Variants in RGS7 observed in about 807,000 individuals in gnomAD.
The protein encoded by RGS7 is regulator of G protein signaling 7, also known as regulator of G-protein signaling 7.
In RGS7, 27 loss-of-function variants were observed where a neutral mutation model predicts 81.1. The observed-to-expected ratio is 0.33, with a 90% CI of 0.25 to 0.46. RGS7 has a LOEUF of 0.46. RGS7 is among the 20% of genes least tolerant of loss of function. RGS7 has a pLI of 1.00. For missense variants in RGS7, 396 were observed against 607.4 expected, an observed-to-expected ratio of 0.65 and a Z score of 3.66; for synonymous variants, 208 against 207.7, an observed-to-expected ratio of 1.00 and a Z score of -0.01.
chr1:241,336,941 C>T (rs2082276878), intron 2 of RGS7, among the ~76,000 whole-genome samples: 3 of 152,298 alleles, frequency 2.0e-5, no homozygotes, highest in Non-Finnish European at 2.9e-5. Context: ...CTGCCTTAAA[C>T]ACATGGGCTT....
intron 4 of RGS7, among the ~76,000 whole-genome samples, chr1:240,977,751 C>A (rs147780940): frequency 1.3e-5 from 2 of 152,184 alleles, no homozygotes. Flanking sequence ...GAGAAGGCGG[C>A]ACAACACTTT....
In RGS7 at chr1:241,327,138, GAAA is replaced by G. The variant is rs1286080306; in HGVS notation, c.78+28558_78+28560del. 7.4e-4 allele frequency among the ~76,000 whole-genome samples: 77 copies of G among 104,702 alleles called. 5 individuals carry two copies. The East Asian group carries it at 8.9e-3, about 12-fold the overall frequency. 68.7% of individuals were successfully genotyped at this position (104,702 alleles called of 152,430 possible). On this transcript the variant is annotated intron_variant, in intron 2 of 18. Transcript: ENST00000440928. ...AGAAAGAAAGAAAGAAAGAAAGAAA[GAAA>G]GAAAGGAAAGAAAGAAAGAAAGAAA...
intron 3 of RGS7, among the ~76,000 whole-genome samples, chr1:241,025,913 C>A (rs2059758615): frequency 6.6e-6 from 1 of 152,126 alleles, no homozygotes; most frequent in Non-Finnish European, 1.5e-5. Context: ...ATGATATATT[C>A]CCTCAGGTGA....
intron 10 of RGS7, among the ~76,000 whole-genome samples, chr1:240,820,280 T>G (rs1309548527): frequency 1.3e-5 from 2 of 152,208 alleles, no homozygotes; most frequent in Non-Finnish European, 2.9e-5. Context: ...ATCATTTATT[T>G]GCAATGCTTT....
chr1:241,330,795 G>A (rs1239361672), intron 2 of RGS7, among the ~76,000 whole-genome samples: 3 of 152,184 alleles, frequency 2.0e-5, no homozygotes, highest in Non-Finnish European at 4.4e-5. Flanking sequence ...GGAGGGAGGT[G>A]TCAGGGGCAA....
chr1:241,356,559 G>A lies in RGS7; in HGVS notation c.-51+340C>T, dbSNP rs138112001. On this transcript the variant is annotated intron_variant, in intron 1 of 18. Transcript: ENST00000440928. Reference sequence around the variant, plus strand: ...TTCAGGCCATTTTACCCGGGTCACCGTGGGTAAAAGCCTAACTGCAGAAGC... The same window carrying A: ...TTCAGGCCATTTTACCCGGGTCACCATGGGTAAAAGCCTAACTGCAGAAGC... Among the ~76,000 whole-genome samples, 1,058 of 152,298 alleles carry A rather than the reference G, an allele frequency of 6.9e-3. 9 individuals carry two copies. The highest frequency in any genetic ancestry group is 0.024 in the African/African-American group (996 of 41,574).
chr1:241,217,553 A>G (rs1308023942), intron 2 of RGS7, among the ~76,000 whole-genome samples: 1 of 152,190 alleles, frequency 6.6e-6, no homozygotes, highest in African/African-American at 2.4e-5. Context: ...ACCCCATAAT[A>G]GGATCAGCAA....
chr1:240,869,241 A>G (rs999354550), intron 7 of RGS7, among the ~76,000 whole-genome samples: 9 of 152,206 alleles, frequency 5.9e-5, no homozygotes, highest in African/African-American at 1.9e-4. Context: ...CAATCAGCCT[A>G]TTCAGTTCCT....
chr1:240,898,946 G>C (rs984993966), intron 6 of RGS7, among the ~76,000 whole-genome samples: 1 of 152,156 alleles, frequency 6.6e-6, no homozygotes, highest in Non-Finnish European at 1.5e-5. Context: ...CTAAGGACTT[G>C]CTTTATGAAT....
chr1:240,943,436 A>C (rs1238138440), intron 4 of RGS7, among the ~76,000 whole-genome samples: 1 of 152,214 alleles, frequency 6.6e-6, no homozygotes, highest in Non-Finnish European at 1.5e-5. Context: ...ACAGTCTACC[A>C]CACAGACATG....
At position 241,313,058 on chromosome 1, in the gene RGS7, T is replaced by C. The variant is rs559873720; in HGVS notation, c.78+42641A>G. 3.3e-5 allele frequency among the ~76,000 whole-genome samples: 5 copies of C among 152,288 alleles called. No individual in the cohort carries two copies. The South Asian group carries it at 8.3e-4, about 25-fold the overall frequency. ...AAGGCCCTAACTCTCTTCAATCCTA[T>C]GAAGGCTGAGAGGTGAGGAAGTCAC... On this transcript the variant is annotated intron_variant, in intron 2 of 18. Coordinates refer to ENST00000440928, the MANE Select transcript of RGS7 (RefSeq NM_001364886.1).
intron 6 of RGS7, among the ~76,000 whole-genome samples, chr1:240,904,788 A>G (rs140990982): frequency 7.1e-4 from 108 of 152,352 alleles, no homozygotes; most frequent in African/African-American, 2.5e-3. Context: ...GAAGAATAAT[A>G]TAGGTATATG....
At chr1:241,299,725 A>C (rs1348472781) in intron 2 of RGS7, among the ~76,000 whole-genome samples, 1 of 151,948 alleles carries the variant, frequency 6.6e-6, no homozygotes, top group Non-Finnish European at 1.5e-5. Context: ...TGGTACGATT[A>C]CATATGAGCA....
chr1:240,889,479 C>T (rs920585992), intron 6 of RGS7, among the ~76,000 whole-genome samples: 1 of 152,074 alleles, frequency 6.6e-6, no homozygotes, highest in African/African-American at 2.4e-5. Context: ...GCCTACGGAG[C>T]CCTGGCTAGG....
At chr1:241,281,948 T>C (rs1460666026) in intron 2 of RGS7, among the ~76,000 whole-genome samples, 3 of 152,242 alleles carry the variant, frequency 2.0e-5, no homozygotes, top group Non-Finnish European at 4.4e-5. Context: ...GTAAAACTTC[T>C]GGTCTATTAG....
intron 2 of RGS7, among the ~76,000 whole-genome samples, chr1:241,201,882 T>C (rs1031942514): frequency 6.6e-6 from 1 of 152,058 alleles, no homozygotes; most frequent in Non-Finnish European, 1.5e-5. Flanking sequence ...TTCTTTATAC[T>C]TCGCAAAATA....
chr1:241,235,909 T>TGAGAGAGAGAGAGAGAGAGAGA (rs1553294805), intron 2 of RGS7, among the ~76,000 whole-genome samples: 8 of 137,894 alleles, frequency 5.8e-5, no homozygotes, highest in Admixed American at 1.4e-4. Flanking sequence ...AGATGCACTT[T>TGAGAGAGAGAGAGAGAGAGAGA]GAGAGAGAGA....
chr1:241,133,337 C>A (rs565296352), intron 2 of RGS7, among the ~76,000 whole-genome samples: 1 of 149,950 alleles, frequency 6.7e-6, no homozygotes, highest in South Asian at 2.1e-4. Context: ...GAAAATAGTT[C>A]TTTGACCCAT....
At chr1:240,842,629 T>G (rs1003468415) in intron 9 of RGS7, among the ~76,000 whole-genome samples, 1 of 151,760 alleles carries the variant, frequency 6.6e-6, no homozygotes, top group Non-Finnish European at 1.5e-5. Flanking sequence ...GTAAGCATTT[T>G]GGGGGGGGAA....
Sources: gnomAD v4.1 joint callset for allele counts (sites outside exome capture counted in the v4.1 genomes callset) on GRCh38, gnomAD v4.1.1 for gene constraint, MANE v1.5 for transcripts, NCBI Gene and HGNC (gene_info 2026-07-23, HGNC 2026-07-21) for gene names.